Variants in SFMBT2 observed in about 807,000 individuals in gnomAD.
SFMBT2 encodes Scm like with four mbt domains 2.
In SFMBT2, 38 loss-of-function variants were observed where a neutral mutation model predicts 110.1. The ratio of observed to expected loss-of-function variants is 0.35; its 90% CI spans 0.27 to 0.45. SFMBT2 has a LOEUF of 0.45. Ranked by LOEUF, SFMBT2 falls within the 20% of genes least tolerant of loss-of-function variation. The pLI is 1.00. For synonymous variants in SFMBT2, 425 were observed against 425.4 expected (o/e 1.00, Z 0.01); for missense variants, 1,011 against 1,094.9 (o/e 0.92, Z 1.08).
chr10:7,340,081 T>C (rs1392933010), intron 4 of SFMBT2, among the ~76,000 whole-genome samples: 1 of 152,126 alleles, frequency 6.6e-6, no homozygotes, highest in Non-Finnish European at 1.5e-5. Flanking sequence ...TCGGTGGGGA[T>C]CCATCAGGGG....
chr10:7,164,064 T>G (rs750316344), intron 20 of SFMBT2, 154 bp from the exon 21 acceptor site: 36 of 985,302 alleles, frequency 3.7e-5, no homozygotes, highest in Non-Finnish European at 4.2e-5. Flanking sequence ...CCAGCCCGGC[T>G]TGATGACTGT....
At chr10:7,305,898 A>G (rs79208282) in intron 4 of SFMBT2, among the ~76,000 whole-genome samples, 4,932 of 152,368 alleles carry the variant, frequency 0.032, 254 homozygotes, top group African/African-American at 0.11. Flanking sequence ...GAAGTAAAAC[A>G]AAACCATCTC....
chr10:7,265,053 G>A (rs1054938991), intron 7 of SFMBT2, among the ~76,000 whole-genome samples: 2 of 151,422 alleles, frequency 1.3e-5, no homozygotes, highest in African/African-American at 2.4e-5. Context: ...ACAGGATTTC[G>A]TGGAACATGA....
At chr10:7,377,168 CAAAAAAAAAAAAAAA>C (rs58212127) in intron 2 of SFMBT2, among the ~76,000 whole-genome samples, 2 of 83,824 alleles carry the variant, frequency 2.4e-5, no homozygotes, top group East Asian at 7.7e-4. Flanking sequence ...GACTCCATCT[CAAAAAAAAAAAAAAA>C]AAAAAAAAAA....
chr10:7,236,858 T>C (rs1294466111), intron 9 of SFMBT2, among the ~76,000 whole-genome samples: 5 of 152,158 alleles, frequency 3.3e-5, no homozygotes, highest in Non-Finnish European at 7.3e-5. Context: ...TTATCATATG[T>C]GTGAAGCACA....
At chr10:7,294,958 A>C (rs1188970981) in intron 4 of SFMBT2, 1 of 152,106 alleles carries the variant, frequency 6.6e-6, no homozygotes, top group African/African-American at 2.4e-5. Flanking sequence ...ACATTTCTCT[A>C]TAGACTCTTT....
intron 9 of SFMBT2, among the ~76,000 whole-genome samples, chr10:7,239,277 A>T (rs1306987953): frequency 6.6e-6 from 1 of 152,250 alleles, no homozygotes; most frequent in African/African-American, 2.4e-5. Flanking sequence ...GGAAACATAC[A>T]CATGTGGAAA....
intron 17 of SFMBT2, among the ~76,000 whole-genome samples, chr10:7,174,636 C>T (rs893679580): frequency 2.6e-5 from 4 of 152,198 alleles, no homozygotes; most frequent in African/African-American, 9.7e-5. Context: ...CCTGCTCCTT[C>T]CCTGCCATTC....
intron 13 of SFMBT2, 29 bp downstream of exon 13, chr10:7,202,451 T>G (rs370355614): frequency 1.2e-6 from 2 of 1,613,646 alleles, no homozygotes; most frequent in Non-Finnish European, 1.7e-6. Flanking sequence ...CGGTATACAG[T>G]GTAGTCTGGA....
intron 4 of SFMBT2, chr10:7,320,552 G>C: frequency 4.1e-6 from 4 of 971,250 alleles, no homozygotes; most frequent in Non-Finnish European, 4.9e-6. Flanking sequence ...ACTATAGGAA[G>C]TAAGATCAAC....
In SFMBT2 at chr10:7,171,603, C is replaced by G. The variant is rs78954789; in HGVS notation, c.2415+292G>C. The G allele has an allele frequency of 0.011, 10,343 of 982,712 alleles. 179 individuals are homozygous for G. Among genetic ancestry groups the G allele is most frequent in the African/African-American group, 0.068 (3,913 of 57,300 alleles). 60.9% of individuals were successfully genotyped at this position (982,712 alleles called of 1,614,324 possible). ...GGGAAGGAATTTCTGGAAACCCAGA[C>G]TTCAAAGGAAACTGAGGACTGTGCC... On this transcript the variant is annotated intron_variant, in intron 19 of 20. Coordinates refer to ENST00000397167, the MANE Select transcript of SFMBT2 (RefSeq NM_001387889.1). This position sits in a 1 kb window ranked among gnomAD's most constrained non-coding sequence, Gnocchi z 4.9.
At chr10:7,197,776 G>C in intron 14 of SFMBT2, 89 bp from the exon 15 acceptor site, 1 of 1,511,930 alleles carries the variant, frequency 6.6e-7, no homozygotes, top group Non-Finnish European at 8.9e-7. Flanking sequence ...CACATGGTCA[G>C]GGAAAAGGAC....
At chr10:7,223,568 A>G (rs1290437025) in intron 10 of SFMBT2, among the ~76,000 whole-genome samples, 1 of 151,858 alleles carries the variant, frequency 6.6e-6, no homozygotes, top group Non-Finnish European at 1.5e-5. Flanking sequence ...AATAATTTCT[A>G]TTTTCAAGGT....
At chr10:7,278,925 AAAAAC>A (rs1841861356) in intron 6 of SFMBT2, among the ~76,000 whole-genome samples, 1 of 152,042 alleles carries the variant, frequency 6.6e-6, no homozygotes, top group Non-Finnish European at 1.5e-5. Flanking sequence ...TAAAATTTAA[AAAAAC>A]AAAACAAAAC....
At chr10:7,403,938 A>C (rs543507649) in intron 1 of SFMBT2, among the ~76,000 whole-genome samples, 1 of 152,188 alleles carries the variant, frequency 6.6e-6, no homozygotes, top group African/African-American at 2.4e-5. Context: ...TTTATTTTTA[A>C]AAGTATTTGA....
chr10:7,205,236 T>C (rs1839090208), intron 12 of SFMBT2: 1 of 232,588 alleles, frequency 4.3e-6, no homozygotes, highest in South Asian at 1.6e-4. Flanking sequence ...GTCACTCTGC[T>C]TGACTAATTT....
At chr10:7,195,541 A>G (rs1838740989) in intron 15 of SFMBT2, among the ~76,000 whole-genome samples, 1 of 152,234 alleles carries the variant, frequency 6.6e-6, no homozygotes, top group Non-Finnish European at 1.5e-5. Flanking sequence ...AGGCCCTGGT[A>G]CAATGGCCAG....
rs1386078066 is a variant in SFMBT2, at chr10:7,260,029, T to A, written c.871-11380A>T. ...TGACAGCAATAACCATAAACAATGG[T>A]GACCACAATATGGTGGTACAAGAGG... On this transcript the variant is annotated intron_variant, in intron 7 of 20. Coordinates refer to ENST00000397167, the MANE Select transcript of SFMBT2 (RefSeq NM_001387889.1). Among the ~76,000 whole-genome samples the A allele has an allele frequency of 2.6e-5, 4 of 152,204 alleles. No individual in the cohort carries two copies. The East Asian group carries it at 7.7e-4, about 29-fold the overall frequency.
chr10:7,243,531 C>A (rs1434229337), intron 9 of SFMBT2, 27 bp downstream of exon 9: 1 of 870,360 alleles, frequency 1.1e-6, no homozygotes, highest in Admixed American at 1.7e-5. Context: ...AATCTCCAGA[C>A]CCTGCATACC....
Sources: gnomAD v4.1 joint callset for allele counts (sites outside exome capture counted in the v4.1 genomes callset) on GRCh38, gnomAD v4.1.1 for gene constraint, Gnocchi (gnomAD v3.1) non-coding constraint, MANE v1.5 for transcripts, NCBI Gene and HGNC (gene_info 2026-07-23, HGNC 2026-07-21) for gene names.